Variants in LUC7L3 observed in about 807,000 individuals in gnomAD.
LUC7L3 encodes luc7-like protein 3.
A neutral mutation model predicts 66.8 loss-of-function variants in LUC7L3; 6 were observed. That is an observed-to-expected ratio of 0.09 (90% CI 0.05 to 0.18). The LOEUF is 0.18. Ranked by LOEUF, LUC7L3 falls within the 10% of genes least tolerant of loss-of-function variation. The pLI, the probability that LUC7L3 is intolerant of heterozygous loss-of-function variation, is 1.00. For synonymous variants in LUC7L3, 160 were observed against 174.7 expected (o/e 0.92, Z 0.66); for missense variants, 341 against 531.1 (o/e 0.64, Z 3.52).
chr17:50,742,379 T>C (rs1970404858), intron 5 of LUC7L3, among the ~76,000 whole-genome samples: 1 of 152,170 alleles, frequency 6.6e-6, no homozygotes, highest in Non-Finnish European at 1.5e-5. Context: ...TACTGTTTTT[T>C]TGACAGTCTT....
At chr17:50,723,704 G>C (rs1364465209) in intron 1 of LUC7L3, 3 of 205,418 alleles carry the variant, frequency 1.5e-5, no homozygotes, top group African/African-American at 7.4e-5. Context: ...ACCCAGGCTG[G>C]AGTGTAGTGG....
intron 1 of LUC7L3, among the ~76,000 whole-genome samples, chr17:50,734,245 G>A (rs1031721120): frequency 6.6e-6 from 1 of 150,506 alleles, no homozygotes; most frequent in African/African-American, 2.5e-5. Flanking sequence ...TCAGCTCACC[G>A]CAACCTCCGC....
In LUC7L3 at chr17:50,752,182, C is replaced by A; in HGVS notation, c.*1521C>A. 1 of 1,283,114 alleles carries A rather than the reference C, an allele frequency of 7.8e-7. No homozygotes were observed. Among genetic ancestry groups the A allele is most frequent in the South Asian group, 1.3e-5 (1 of 79,700 alleles). 79.5% of individuals were successfully genotyped at this position (1,283,114 alleles called of 1,614,324 possible). A position where few individuals can be genotyped will look rare whatever the true frequency, so the allele number is the denominator to read the frequency against. ...CATGTTGTCTAATTATCATTTTTCCCCAAATTTTGCGTTGTAGGACTACTG... is the reference window on the plus strand; with the variant it reads ...CATGTTGTCTAATTATCATTTTTCCACAAATTTTGCGTTGTAGGACTACTG... On this transcript the variant is annotated 3_prime_UTR_variant, in exon 10 of 10. Coordinates refer to ENST00000505658, the MANE Select transcript of LUC7L3 (RefSeq NM_016424.5).
At position 50,751,023 on chromosome 17, in the gene LUC7L3, G is replaced by T. The variant is rs370019899; in HGVS notation, c.*362G>T. Reference sequence around the variant, plus strand: ...TTTTTTTTAATAAAAAGGTTGAACTGTTTTTTTTTTTCTTTTTGGTATTAA... The same window carrying T: ...TTTTTTTTAATAAAAAGGTTGAACTTTTTTTTTTTTTCTTTTTGGTATTAA... On this transcript the variant is annotated 3_prime_UTR_variant, in exon 10 of 10. Coordinates refer to ENST00000505658, the MANE Select transcript of LUC7L3 (RefSeq NM_016424.5). 6.1e-5 allele frequency: 72 copies of T among 1,187,702 alleles called. No individual in the cohort carries two copies. The highest frequency in any genetic ancestry group is 2.1e-4 in the East Asian group (7 of 33,498). The allele number at this position is 1,187,702 out of a possible 1,614,324, so 73.6% of individuals were successfully genotyped here. A position where few individuals can be genotyped will look rare whatever the true frequency, so the allele number is the denominator to read the frequency against.
At position 50,753,696 on chromosome 17, in the gene LUC7L3, T is replaced by G. The variant is rs947962545; in HGVS notation, c.*3035T>G. ...TTTGTGTAGTTTGACAGCATTGTGG[T>G]TGTAGCAGCAAAGGACTTAAAGTGA... On this transcript the variant is annotated 3_prime_UTR_variant, in exon 10 of 10. Coordinates refer to ENST00000505658, the MANE Select transcript of LUC7L3 (RefSeq NM_016424.5). The G allele has an allele frequency of 6.6e-6, 1 of 152,190 alleles. No homozygotes were observed. Among genetic ancestry groups the G allele is most frequent in the African/African-American group, 2.4e-5 (1 of 41,446 alleles). The allele number at this position is 152,190 out of a possible 1,614,324, so 9.4% of individuals were successfully genotyped here.
In LUC7L3 at chr17:50,755,496, A is replaced by C. The variant is rs925672281; in HGVS notation, c.*4835A>C. 3 of 152,254 alleles carry C rather than the reference A, an allele frequency of 2.0e-5. No individual in the cohort carries two copies. The highest frequency in any genetic ancestry group is 1.3e-4 in the Admixed American group (2 of 15,290). The allele number at this position is 152,254 out of a possible 1,614,324, so 9.4% of individuals were successfully genotyped here. A position where few individuals can be genotyped will look rare whatever the true frequency, so the allele number is the denominator to read the frequency against. ...ACATTTCAAGTAAGCCAAAGCAGAG[A>C]AGTAAATGTATTTTTCATTGTTGTA... On this transcript the variant is annotated 3_prime_UTR_variant, in exon 10 of 10. Coordinates refer to ENST00000505658, the MANE Select transcript of LUC7L3 (RefSeq NM_016424.5).
At chr17:50,744,970 C>T (rs991055791) in intron 7 of LUC7L3, among the ~76,000 whole-genome samples, 157 bp downstream of exon 7, 2 of 152,006 alleles carry the variant, frequency 1.3e-5, no homozygotes, top group African/African-American at 4.8e-5. Flanking sequence ...TGCCACCAGG[C>T]CTGGCTAATT....
chr17:50,730,847 G>A (rs956312446), intron 1 of LUC7L3, among the ~76,000 whole-genome samples: 2 of 151,824 alleles, frequency 1.3e-5, no homozygotes, highest in African/African-American at 4.8e-5. Context: ...GGCTGAGGCA[G>A]GAGAATCACT....
intron 9 of LUC7L3, among the ~76,000 whole-genome samples, chr17:50,747,028 C>CT (rs141539929): frequency 0.011 from 1,633 of 146,756 alleles, 29 homozygotes; most frequent in African/African-American, 0.038. Context: ...TTATTGGCTC[C>CT]TTTTTTTTTT....
intron 9 of LUC7L3, among the ~76,000 whole-genome samples, chr17:50,749,014 A>C (rs2143063857): frequency 6.6e-6 from 1 of 152,206 alleles, no homozygotes; most frequent in South Asian, 2.1e-4. Context: ...AAATGAGAAA[A>C]AGCAAGTTTA....
chr17:50,746,489 C>G, intron 8 of LUC7L3, 53 bp from the exon 9 acceptor site: 1 of 1,553,692 alleles, frequency 6.4e-7, no homozygotes, highest in Admixed American at 1.9e-5. Flanking sequence ...ACTCCAAGGC[C>G]TTTACTTATT....
chr17:50,739,290 AT>A (rs1298586455), intron 2 of LUC7L3, among the ~76,000 whole-genome samples: 5 of 152,234 alleles, frequency 3.3e-5, no homozygotes, highest in African/African-American at 1.2e-4. Context: ...GATGTGATAT[AT>A]TTTGAGTCAT....
At chr17:50,740,722 C>G (rs1228394065) in intron 3 of LUC7L3, among the ~76,000 whole-genome samples, 1 of 152,110 alleles carries the variant, frequency 6.6e-6, no homozygotes, top group Admixed American at 6.6e-5. Flanking sequence ...CCATGCCTGA[C>G]TAATATTTTG....
At chr17:50,721,907 GT>G (rs552019771) in intron 1 of LUC7L3, among the ~76,000 whole-genome samples, 38 of 143,674 alleles carry the variant, frequency 2.6e-4, no homozygotes, top group Admixed American at 3.5e-4. Context: ...TGGGGCCCTT[GT>G]TTTTTTTTTT....
intron 1 of LUC7L3, chr17:50,736,734 T>C (rs1165956941): frequency 2.3e-6 from 1 of 443,586 alleles, no homozygotes; most frequent in Non-Finnish European, 4.0e-6. Flanking sequence ...TGATTAAAAA[T>C]AGATAAAGAA....
Position 50,737,042 on chromosome 17 carries a change from G to A in LUC7L3, c.166+16G>A, listed in dbSNP as rs770333107. 70 of 1,581,096 alleles carry A rather than the reference G, an allele frequency of 4.4e-5. No individual in the cohort carries two copies. The highest frequency in any genetic ancestry group is 5.7e-5 in the Non-Finnish European group (66 of 1,157,104). On this transcript the variant is annotated intron_variant, in intron 2 of 9. Transcript: ENST00000505658. ...TCTGATCTTGGTAAGTGAATTTTCTGTGTAACTTTTATCAAATTTATGATA... is the reference window on the plus strand; with the variant it reads ...TCTGATCTTGGTAAGTGAATTTTCTATGTAACTTTTATCAAATTTATGATA...
intron 6 of LUC7L3, among the ~76,000 whole-genome samples, 169 bp downstream of exon 6, chr17:50,743,979 G>A (rs79777439): frequency 0.015 from 2,316 of 152,368 alleles, 22 homozygotes; most frequent in Non-Finnish European, 0.023. Flanking sequence ...CAGTATGCAA[G>A]CAACTTTATA....
chr17:50,725,652 G>A (rs1969131965), intron 1 of LUC7L3, among the ~76,000 whole-genome samples: 1 of 152,108 alleles, frequency 6.6e-6, no homozygotes, highest in Non-Finnish European at 1.5e-5. Flanking sequence ...CCATTTATAC[G>A]TGGAGTTTTT....
intron 1 of LUC7L3, among the ~76,000 whole-genome samples, chr17:50,721,577 A>ACTGG (rs1259047221): frequency 6.6e-6 from 1 of 152,266 alleles, no homozygotes; most frequent in Non-Finnish European, 1.5e-5. Flanking sequence ...CAAGTCAGTT[A>ACTGG]CTGGCATTTC....
Sources: gnomAD v4.1 joint callset for allele counts (sites outside exome capture counted in the v4.1 genomes callset) on GRCh38, gnomAD v4.1.1 for gene constraint, MANE v1.5 for transcripts, NCBI Gene and HGNC (gene_info 2026-07-23, HGNC 2026-07-21) for gene names.